The following SEPTIN5 variants were observed in gnomAD, a reference collection of about 807,000 sequenced individuals.
SEPTIN5 encodes the protein septin-5.
SEPTIN5 carries 16 observed loss-of-function variants against 51.2 expected under a neutral mutation model. The ratio of observed to expected loss-of-function variants is 0.31; its 90% CI spans 0.21 to 0.47. The LOEUF (loss-of-function observed/expected upper bound fraction) is 0.47. Ranked by LOEUF, SEPTIN5 falls within the 20% of genes least tolerant of loss-of-function variation. The probability of loss-of-function intolerance (pLI) is 0.99; values close to 1 mark genes in which losing one functional copy is unlikely to be tolerated. For synonymous variants in SEPTIN5, 208 were observed against 191.2 expected (o/e 1.09, Z -0.72); for missense variants, 376 against 500.3 (o/e 0.75, Z 2.37).
chr22:19,718,662 T>G (rs1001616852), intron 2 of SEPTIN5: 9 of 1,286,412 alleles, frequency 7.0e-6, no homozygotes, highest in Non-Finnish European at 7.9e-6. Context: ...CCAAGGTCCC[T>G]CGCTGTCGCC....
At chr22:19,720,688 G>T in intron 7 of SEPTIN5, 22 bp downstream of exon 7, 1 of 1,612,668 alleles carries the variant, frequency 6.2e-7, no homozygotes, top group Non-Finnish European at 8.5e-7. Flanking sequence ...GTCGCACAGG[G>T]GCCTGGCCAG....
intron 2 of SEPTIN5, 68 bp from the exon 3 acceptor site, chr22:19,719,534 G>T: frequency 7.7e-7 from 1 of 1,305,026 alleles, no homozygotes; most frequent in Non-Finnish European, 1.1e-6. Context: ...ACCGCATTTG[G>T]TAAGAGACAG....
At chr22:19,719,719 G>A (rs376993402) in intron 3 of SEPTIN5, 21 bp downstream of exon 3, 39 of 1,611,894 alleles carry the variant, frequency 2.4e-5, no homozygotes, top group East Asian at 1.3e-4. Context: ...CAGGCTCCTC[G>A]GGGGAGTGGC....
chr22:19,721,961 CG>C lies in SEPTIN5; in HGVS notation c.950+5del, dbSNP rs754823718. On this transcript the variant is annotated splice_donor_5th_base_variant and intron_variant, in intron 10 of 11. Coordinates refer to ENST00000455784, the MANE Select transcript of SEPTIN5 (RefSeq NM_002688.6). Reference sequence around the variant, plus strand: ...ACTGCATCCAGCAGATGACCAGGTGCGCGCCCCAGCCGCGAGCCAGACCTCG... The same window carrying C: ...ACTGCATCCAGCAGATGACCAGGTGCCGCCCCAGCCGCGAGCCAGACCTCG... 15 of 1,602,648 alleles carry C rather than the reference CG, an allele frequency of 9.4e-6. No individual in the cohort carries two copies. In the African/African-American group the frequency reaches 1.5e-4, roughly 16 times the overall value.
chr22:19,718,951 A>G, intron 2 of SEPTIN5: 2 of 849,996 alleles, frequency 2.4e-6, no homozygotes, highest in Non-Finnish European at 3.0e-6. Context: ...GCGGCCTCGC[A>G]GGTCCGCGGC....
In SEPTIN5 at chr22:19,719,797, T is replaced by G. The variant is rs762254490; in HGVS notation, c.152-9T>G. 1 of 1,612,814 alleles carries G rather than the reference T, an allele frequency of 6.2e-7. No individual in the cohort carries two copies. Among genetic ancestry groups the G allele is most frequent in the Non-Finnish European group, 8.5e-7 (1 of 1,179,924 alleles). On this transcript the variant is annotated splice_polypyrimidine_tract_variant and intron_variant, in intron 3 of 11. Transcript: ENST00000455784. Reference sequence around the variant, plus strand: ...CCTAACGCAGCTCCTTCTCTGTACCTGTGTGCAGGTGAGTCAGGCCTGGGG... The same window carrying G: ...CCTAACGCAGCTCCTTCTCTGTACCGGTGTGCAGGTGAGTCAGGCCTGGGG...
chr22:19,723,313 G>A lies in SEPTIN5; in HGVS notation c.*829G>A. The A allele has an allele frequency of 1.4e-6, 1 of 699,788 alleles. No homozygotes were observed. Among genetic ancestry groups the A allele is most frequent in the Non-Finnish European group, 2.6e-6 (1 of 383,598 alleles). 43.3% of individuals were successfully genotyped at this position (699,788 alleles called of 1,614,324 possible). A position where few individuals can be genotyped will look rare whatever the true frequency, so the allele number is the denominator to read the frequency against. ...CTGGTGACAGGAGAACAATGTTGGT[G>A]AACGTCGCAGCGGGTGTCCGAGTGC... On this transcript the variant is annotated 3_prime_UTR_variant, in exon 12 of 12. Transcript: ENST00000455784.
At chr22:19,720,075 G>A (rs772413781) in intron 4 of SEPTIN5, 40 bp from the exon 5 acceptor site, 2 of 1,612,068 alleles carry the variant, frequency 1.2e-6, no homozygotes, top group Non-Finnish European at 1.7e-6. Context: ...GTGAGGGGCT[G>A]AGGGTTGGAG....
chr22:19,715,742 G>T (rs1289843064), intron 2 of SEPTIN5, among the ~76,000 whole-genome samples: 1 of 152,184 alleles, frequency 6.6e-6, no homozygotes, highest in Non-Finnish European at 1.5e-5. Flanking sequence ...GGGCAGGGGG[G>T]CCAGGAGCTG....
At chr22:19,717,510 C>T in intron 2 of SEPTIN5, 4 of 357,518 alleles carry the variant, frequency 1.1e-5, no homozygotes, top group South Asian at 8.2e-5. Flanking sequence ...CCCATCCCAC[C>T]CCCACCCCTG....
rs370825391 is a variant in SEPTIN5 at position 19,720,830 on chromosome 22, C to G, written c.678C>G (p.Asp226Glu). The part of the protein sequence containing the change: ...HVYQFPECDS[D>E]EDEDFKQQDR... ...ACCAGTTCCCTGAGTGTGACTCGGA[C>G]GAGGATGAGGACTTCAAGCAGCAGG... Residue 226 changes from aspartate (D) to glutamate (E), a missense_variant, in exon 8 of 12, where the codon GAC becomes GAG. Coordinates refer to ENST00000455784, the MANE Select transcript of SEPTIN5 (RefSeq NM_002688.6). 1.2e-6 allele frequency: 2 copies of G among 1,613,632 alleles called. No homozygotes were observed. The highest frequency in any genetic ancestry group is 1.1e-5 in the South Asian group (1 of 91,064).
chr22:19,721,829 C>G lies in SEPTIN5; in HGVS notation c.822C>G (p.Asn274Lys). ...LYPWGIVEVE[N>K]QAHCDFVKLR... ...CCCACCCCCACCCCGCAGTGGAGAA[C>G]CAGGCGCATTGCGACTTCGTGAAGC... Residue 274 changes from asparagine (N) to lysine (K), a missense_variant, in exon 10 of 12, where the codon AAC becomes AAG. Physicochemically the swap from Asn to Lys is moderately conservative, Grantham distance 94. Coordinates refer to ENST00000455784, the MANE Select transcript of SEPTIN5 (RefSeq NM_002688.6). 1 of 1,569,344 alleles carries G rather than the reference C, an allele frequency of 6.4e-7. No individual in the cohort carries two copies. The highest frequency in any genetic ancestry group is 2.3e-5 in the East Asian group (1 of 44,298).
At chr22:19,715,250 C>T (rs1445858562) in intron 2 of SEPTIN5, among the ~76,000 whole-genome samples, 1 of 152,254 alleles carries the variant, frequency 6.6e-6, no homozygotes, top group Non-Finnish European at 1.5e-5. Flanking sequence ...TGCCCCTTTC[C>T]CTCCCCATAC....
chr22:19,722,175 C>T (rs1568998586), intron 10 of SEPTIN5, 62 bp from the exon 11 acceptor site: 6 of 1,321,346 alleles, frequency 4.5e-6, no homozygotes, highest in Non-Finnish European at 4.1e-6. Context: ...CCAGGCATCG[C>T]CAGCCCACGC....
intron 2 of SEPTIN5, chr22:19,718,839 G>A: frequency 8.1e-7 from 1 of 1,235,592 alleles, no homozygotes; most frequent in Non-Finnish European, 1.0e-6. Context: ...GGAGAGGGCG[G>A]AACGTGGGTC....
Position 19,723,316 on chromosome 22 carries a change from C to T in SEPTIN5, c.*832C>T, listed in dbSNP as rs1234593881. The T allele has an allele frequency of 2.9e-6, 2 of 699,926 alleles. No homozygotes were observed. Among genetic ancestry groups the T allele is most frequent in the Admixed American group, 4.0e-5 (2 of 49,962 alleles). 43.4% of individuals were successfully genotyped at this position (699,926 alleles called of 1,614,324 possible). A position where few individuals can be genotyped will look rare whatever the true frequency, so the allele number is the denominator to read the frequency against. ...GTGACAGGAGAACAATGTTGGTGAA[C>T]GTCGCAGCGGGTGTCCGAGTGCTCC... On this transcript the variant is annotated 3_prime_UTR_variant, in exon 12 of 12. Coordinates refer to ENST00000455784, the MANE Select transcript of SEPTIN5 (RefSeq NM_002688.6).
chr22:19,718,362 C>G (rs958202287), intron 2 of SEPTIN5: 1 of 1,000,202 alleles, frequency 1.0e-6, no homozygotes, highest in African/African-American at 1.7e-5. Flanking sequence ...CGCCCGCGGC[C>G]CAATTTCCAG....
rs571294849 is a variant in SEPTIN5, at chr22:19,716,431, C to T, written c.54+1640C>T. Among the ~76,000 whole-genome samples, 16 of 152,370 alleles carry T rather than the reference C, an allele frequency of 1.1e-4. No individual in the cohort carries two copies. In the East Asian group the frequency reaches 3.1e-3, roughly 29 times the overall value. The stretch of plus-strand genomic sequence containing the variant: ...ACAGGCAGCACCGGTGATCTCTTGG[C>T]CCTGGCTGCTGCTCCCAGAGCTGAC... On this transcript the variant is annotated intron_variant, in intron 2 of 11. Coordinates refer to ENST00000455784, the MANE Select transcript of SEPTIN5 (RefSeq NM_002688.6).
At position 19,722,077 on chromosome 22, in the gene SEPTIN5, C is replaced by A. The variant is rs1043383681; in HGVS notation, c.950+120C>A. On this transcript the variant is annotated intron_variant, in intron 10 of 11. Coordinates refer to ENST00000455784, the MANE Select transcript of SEPTIN5 (RefSeq NM_002688.6). ...ACTTTGCACCATTCCCTAAGCCCCC[C>A]CCCTCCCCCAGAGCCTGGTCTCCCT... 3 of 1,320,248 alleles carry A rather than the reference C, an allele frequency of 2.3e-6. No homozygotes were observed. The South Asian group carries it at 4.3e-5, about 19-fold the overall frequency. The allele number at this position is 1,320,248 out of a possible 1,614,324, so 81.8% of individuals were successfully genotyped here.
Sources: gnomAD v4.1 joint callset for allele counts (sites outside exome capture counted in the v4.1 genomes callset) on GRCh38, gnomAD v4.1.1 for gene constraint, MANE v1.5 for transcripts, NCBI Gene and HGNC (gene_info 2026-07-23, HGNC 2026-07-21) for gene names.